Variants in PTPRT observed in about 807,000 individuals in gnomAD.
PTPRT encodes protein tyrosine phosphatase receptor type T.
In PTPRT, 56 loss-of-function variants were observed where a neutral mutation model predicts 176.8. The observed-to-expected ratio is 0.32, with a 90% CI of 0.26 to 0.40. The LOEUF is 0.40. Among genes scored for constraint, PTPRT ranks in the 10% least tolerant of loss-of-function variants. The pLI is 1.00. For missense variants in PTPRT, 1,540 were observed against 1,908.2 expected, an observed-to-expected ratio of 0.81 and a Z score of 3.60; for synonymous variants, 783 against 739.0, an observed-to-expected ratio of 1.06 and a Z score of -0.96.
At chr20:42,492,305 A>T (rs6102857) in intron 7 of PTPRT, among the ~76,000 whole-genome samples, 2,973 of 152,322 alleles carry the variant, frequency 0.02, 102 homozygotes, top group African/African-American at 0.068. Context: ...CATTTCCACC[A>T]GCAACGTAGG....
At chr20:42,341,933 A>C (rs2058117180) in intron 11 of PTPRT, among the ~76,000 whole-genome samples, 1 of 152,214 alleles carries the variant, frequency 6.6e-6, no homozygotes, top group Non-Finnish European at 1.5e-5. Context: ...AAGTAATATA[A>C]TCCAGAATCC....
chr20:42,708,172 T>C (rs2146190088), intron 6 of PTPRT, among the ~76,000 whole-genome samples: 1 of 152,296 alleles, frequency 6.6e-6, no homozygotes, highest in South Asian at 2.1e-4. Flanking sequence ...CATATTTATG[T>C]GGATAAAACA....
At position 42,799,757 on chromosome 20, in the gene PTPRT, C is replaced by A. The variant is rs550566466; in HGVS notation, c.215-8291G>T. ...ATGCACCCATTTTAACCACACACTG[C>A]CCCGTAAGCAAGAATTCTGTCTGTT... On this transcript the variant is annotated intron_variant, in intron 2 of 30. Coordinates refer to ENST00000373187, the MANE Select transcript of PTPRT (RefSeq NM_007050.6). Among the ~76,000 whole-genome samples, 8 of 152,324 alleles carry A rather than the reference C, an allele frequency of 5.3e-5. No individual in the cohort carries two copies. In the East Asian group the frequency reaches 1.4e-3, roughly 26 times the overall value.
At chr20:42,226,550 A>C (rs73120444) in intron 15 of PTPRT, among the ~76,000 whole-genome samples, 25,215 of 152,206 alleles carry the variant, frequency 0.17, 2,627 homozygotes, top group Non-Finnish European at 0.23. Flanking sequence ...TAACTAAAGC[A>C]TTTCCTTCCA....
intron 2 of PTPRT, among the ~76,000 whole-genome samples, chr20:42,879,450 G>T (rs1209198783): frequency 6.6e-6 from 1 of 152,058 alleles, no homozygotes; most frequent in Non-Finnish European, 1.5e-5. Flanking sequence ...GAGTCGTATT[G>T]GGTTAGAACC....
At chr20:42,052,289 C>T in the PTPRT span, among the ~76,000 whole-genome samples, 2 of 152,188 alleles carry the variant, frequency 1.3e-5, no homozygotes, top group East Asian at 3.9e-4. Flanking sequence ...GGGCAGATGG[C>T]AGACTCACAT....
chr20:42,318,531 T>C (rs532288322), intron 11 of PTPRT, among the ~76,000 whole-genome samples: 1 of 152,174 alleles, frequency 6.6e-6, no homozygotes, highest in Admixed American at 6.5e-5. Flanking sequence ...AGACAACCTC[T>C]TGGGCTCTCC....
At chr20:42,404,206 G>A (rs749765668) in intron 9 of PTPRT, among the ~76,000 whole-genome samples, 14 of 152,152 alleles carry the variant, frequency 9.2e-5, no homozygotes, top group African/African-American at 2.7e-4. Flanking sequence ...AAAAAGAGGT[G>A]GAAGTTACTA....
At chr20:42,210,224 T>C (rs2055587059) in intron 15 of PTPRT, among the ~76,000 whole-genome samples, 1 of 152,200 alleles carries the variant, frequency 6.6e-6, no homozygotes, top group Admixed American at 6.5e-5. Context: ...AGCATTCTCT[T>C]TGAAAACTGG....
At chr20:42,289,021 T>C (rs1165639753) in intron 12 of PTPRT, among the ~76,000 whole-genome samples, 2 of 151,790 alleles carry the variant, frequency 1.3e-5, no homozygotes, top group African/African-American at 4.8e-5. Flanking sequence ...AAATAAACAA[T>C]GGAGAAAGGA....
chr20:43,160,896 C>T (rs1433461855), intron 1 of PTPRT, among the ~76,000 whole-genome samples: 1 of 149,294 alleles, frequency 6.7e-6, no homozygotes, highest in African/African-American at 2.5e-5. Context: ...AAGGTGGACA[C>T]TTAGTAACCA....
intron 15 of PTPRT, among the ~76,000 whole-genome samples, chr20:42,209,994 T>C (rs1409569581): frequency 1.3e-5 from 2 of 152,176 alleles, no homozygotes; most frequent in African/African-American, 4.8e-5. Context: ...TGGTTCAATA[T>C]ACGCAAATCA....
intron 7 of PTPRT, among the ~76,000 whole-genome samples, chr20:42,535,387 T>G (rs1224052081): frequency 6.6e-6 from 1 of 152,132 alleles, no homozygotes; most frequent in Non-Finnish European, 1.5e-5. Context: ...GCTTATTACC[T>G]GGGTGGTAAA....
intron 12 of PTPRT, among the ~76,000 whole-genome samples, chr20:42,284,920 T>C (rs1277706828): frequency 6.6e-6 from 1 of 150,838 alleles, no homozygotes; most frequent in Non-Finnish European, 1.5e-5. Context: ...GCATGTTACA[T>C]TTCAATAACA....
chr20:42,300,023 T>C (rs1358579835), intron 12 of PTPRT, among the ~76,000 whole-genome samples: 1 of 150,710 alleles, frequency 6.6e-6, no homozygotes, highest in African/African-American at 2.4e-5. Flanking sequence ...TTTGGGAGGC[T>C]GAGGCAGGTG....
At chr20:42,364,775 G>A (rs1166944857) in intron 9 of PTPRT, among the ~76,000 whole-genome samples, 1 of 152,170 alleles carries the variant, frequency 6.6e-6, no homozygotes, top group African/African-American at 2.4e-5. Flanking sequence ...CTCACAGCTG[G>A]AAGGAACTAC....
At chr20:42,998,881 C>T (rs1984372208) in intron 1 of PTPRT, among the ~76,000 whole-genome samples, 1 of 152,176 alleles carries the variant, frequency 6.6e-6, no homozygotes. Context: ...GCCTCTATTA[C>T]CCTCCTCTGC....
intron 1 of PTPRT, among the ~76,000 whole-genome samples, chr20:43,055,801 G>C (rs758203883): frequency 4.6e-5 from 7 of 152,106 alleles, no homozygotes; most frequent in Non-Finnish European, 5.9e-5. Context: ...ATTTACAATA[G>C]CAGTTGTACT....
intron 1 of PTPRT, among the ~76,000 whole-genome samples, chr20:42,956,409 T>G (rs1240237295): frequency 1.6e-5 from 2 of 128,164 alleles, no homozygotes; most frequent in Non-Finnish European, 3.1e-5. Flanking sequence ...CTCTCTCTCT[T>G]GCTCCTACTC....
Sources: gnomAD v4.1 joint callset for allele counts (sites outside exome capture counted in the v4.1 genomes callset) on GRCh38, gnomAD v4.1.1 for gene constraint, MANE v1.5 for transcripts, NCBI Gene and HGNC (gene_info 2026-07-23, HGNC 2026-07-21) for gene names.